The following ENTREP2 variants were observed in gnomAD, a reference collection of about 807,000 sequenced individuals.
The protein encoded by ENTREP2 is protein ENTREP2.
the ENTREP2 span, among the ~76,000 whole-genome samples, chr15:29,524,771 T>C: frequency 6.6e-6 from 1 of 152,032 alleles, no homozygotes; most frequent in Non-Finnish European, 1.5e-5. Context: ...ACAGCAGTGG[T>C]GGACAGCGAG....
chr15:29,393,596 C>T, the ENTREP2 span, among the ~76,000 whole-genome samples: 1 of 152,260 alleles, frequency 6.6e-6, no homozygotes, highest in East Asian at 1.9e-4. Flanking sequence ...ATGTCTTTTG[C>T]AGTGTATAGT....
chr15:29,261,862 T>C, the ENTREP2 span, among the ~76,000 whole-genome samples: 3 of 150,600 alleles, frequency 2.0e-5, no homozygotes, highest in Non-Finnish European at 2.9e-5. Flanking sequence ...TAAAGATAAA[T>C]ATATTGCCTT....
the ENTREP2 span, among the ~76,000 whole-genome samples, chr15:29,175,474 G>A: frequency 3.3e-5 from 5 of 152,314 alleles, no homozygotes; most frequent in African/African-American, 9.6e-5. Context: ...AATGCTTAAG[G>A]AAAAGAGCCC....
the ENTREP2 span, among the ~76,000 whole-genome samples, chr15:29,416,158 T>C: frequency 6.6e-6 from 1 of 152,114 alleles, no homozygotes; most frequent in Admixed American, 6.6e-5. Flanking sequence ...TTAAAGTTCA[T>C]ATGGAACCAA....
chr15:29,405,720 G>C, the ENTREP2 span, among the ~76,000 whole-genome samples: 1 of 152,216 alleles, frequency 6.6e-6, no homozygotes, highest in African/African-American at 2.4e-5. Context: ...TGTTTCATCT[G>C]CACAGTGCCC....
the ENTREP2 span, among the ~76,000 whole-genome samples, chr15:29,399,620 C>T: frequency 1.3e-5 from 2 of 152,128 alleles, no homozygotes; most frequent in African/African-American, 4.8e-5. Flanking sequence ...GTTAGGGGCA[C>T]CAACCTCCTG....
the ENTREP2 span, among the ~76,000 whole-genome samples, chr15:29,411,725 T>C: frequency 1.3e-5 from 2 of 152,222 alleles, no homozygotes; most frequent in African/African-American, 4.8e-5. Flanking sequence ...GTTTAAAAAA[T>C]TCTTTCCAAA....
the ENTREP2 span, among the ~76,000 whole-genome samples, chr15:29,158,279 CA>C: frequency 6.6e-6 from 1 of 152,172 alleles, no homozygotes; most frequent in Non-Finnish European, 1.5e-5. Context: ...AAATACATGC[CA>C]GAAAGACTTT....
chr15:29,426,630 TC>T, the ENTREP2 span, among the ~76,000 whole-genome samples: 1 of 152,188 alleles, frequency 6.6e-6, no homozygotes, highest in Admixed American at 6.5e-5. Flanking sequence ...CTGGTTTCCT[TC>T]TCACAGTAAC....
At chr15:29,339,156 A>C in the ENTREP2 span, among the ~76,000 whole-genome samples, 1 of 152,228 alleles carries the variant, frequency 6.6e-6, no homozygotes, top group East Asian at 1.9e-4. Flanking sequence ...GCACTAGTGG[A>C]GTTGGCACGA....
At chr15:29,581,026 G>C in the ENTREP2 span, among the ~76,000 whole-genome samples, 1 of 151,854 alleles carries the variant, frequency 6.6e-6, no homozygotes, top group African/African-American at 2.4e-5. Context: ...TTTCTTATGG[G>C]CTAATTACTA....
the ENTREP2 span, among the ~76,000 whole-genome samples, chr15:29,251,046 A>G: frequency 5.9e-5 from 9 of 152,324 alleles, no homozygotes; most frequent in Admixed American, 4.6e-4. Flanking sequence ...TGCAGAGAGC[A>G]GCAGGCTTTC....
At chr15:29,609,696 T>C in the ENTREP2 span, 1 of 150,208 alleles carries the variant, frequency 6.7e-6, no homozygotes, top group African/African-American at 2.4e-5. Context: ...AATCTGTTTA[T>C]TATATATTAC....
At chr15:29,577,724 G>T in the ENTREP2 span, among the ~76,000 whole-genome samples, 3 of 152,262 alleles carry the variant, frequency 2.0e-5, no homozygotes, top group South Asian at 2.1e-4. Flanking sequence ...AATGTGGTCT[G>T]TACATACATT....
chr15:29,295,652 CTT>C, the ENTREP2 span, among the ~76,000 whole-genome samples: 1 of 152,170 alleles, frequency 6.6e-6, no homozygotes, highest in African/African-American at 2.4e-5. Flanking sequence ...TAAAACTACT[CTT>C]GTGTTTTGCC....
the ENTREP2 span, among the ~76,000 whole-genome samples, chr15:29,546,907 A>C: frequency 1.8e-3 from 226 of 127,714 alleles, 5 homozygotes; most frequent in Middle Eastern, 3.9e-3. Flanking sequence ...ACAACAACAA[A>C]AAAAAAAACG....
the ENTREP2 span, chr15:29,377,012 G>A: frequency 6.6e-6 from 1 of 152,210 alleles, no homozygotes; most frequent in East Asian, 1.9e-4. Flanking sequence ...GAGGGCAACT[G>A]ACTGTGTGGT....
the ENTREP2 span, among the ~76,000 whole-genome samples, chr15:29,559,279 A>G: frequency 6.6e-5 from 10 of 152,086 alleles, no homozygotes; most frequent in African/African-American, 2.4e-4. Context: ...GGATCTAAAC[A>G]GTGTGGAAGC....
the ENTREP2 span, among the ~76,000 whole-genome samples, chr15:29,409,206 T>TA: frequency 6.6e-6 from 1 of 152,252 alleles, no homozygotes; most frequent in Admixed American, 6.5e-5. Context: ...GCAAGGGTTT[T>TA]AATACAATTA....
Sources: allele counts gnomAD v4.1 joint callset (sites outside exome capture counted in the v4.1 genomes callset), GRCh38; gene constraint gnomAD v4.1.1; transcripts MANE v1.5; gene names NCBI Gene and HGNC (gene_info 2026-07-23, HGNC 2026-07-21).